DTHD1: variants seen among roughly 807,000 people sequenced by gnomAD.
The protein encoded by DTHD1 is death domain containing 1.
In DTHD1, 59 loss-of-function variants were observed where a neutral mutation model predicts 74.8. The ratio of observed to expected loss-of-function variants is 0.79; its 90% CI spans 0.64 to 0.98. DTHD1 has a LOEUF of 0.98. Ranked by LOEUF, DTHD1 falls within the 50% of genes least tolerant of loss-of-function variation. The pLI is 0.00. For synonymous variants in DTHD1, 365 were observed against 371.1 expected, an observed-to-expected ratio of 0.98 and a Z score of 0.19; for missense variants, 1,051 against 1,065.4, an observed-to-expected ratio of 0.99 and a Z score of 0.19.
intron 7 of DTHD1, among the ~76,000 whole-genome samples, chr4:36,312,928 T>A (rs1757487616): frequency 1.3e-5 from 2 of 152,162 alleles, no homozygotes; most frequent in Admixed American, 6.5e-5. Flanking sequence ...AGCAAGGAGA[T>A]CAGTTACTGT....
chr4:36,303,158 A>T (rs1756870105), intron 5 of DTHD1, among the ~76,000 whole-genome samples: 1 of 152,220 alleles, frequency 6.6e-6, no homozygotes, highest in Non-Finnish European at 1.5e-5. Flanking sequence ...TCACTATGTC[A>T]GCATGTTGCC....
chr4:36,307,558 A>G (rs1757132577), intron 6 of DTHD1, among the ~76,000 whole-genome samples: 1 of 152,212 alleles, frequency 6.6e-6, no homozygotes, highest in African/African-American at 2.4e-5. Flanking sequence ...ACTTCAACAT[A>G]TGAATGTGTA....
intron 9 of DTHD1, among the ~76,000 whole-genome samples, chr4:36,341,831 G>A (rs777804597): frequency 6.6e-6 from 1 of 152,214 alleles, no homozygotes; most frequent in Non-Finnish European, 1.5e-5. Flanking sequence ...CCCTGCAGAG[G>A]TGACCGAATG....
intron 8 of DTHD1, among the ~76,000 whole-genome samples, chr4:36,319,642 G>A (rs975834004): frequency 6.6e-6 from 1 of 152,224 alleles, no homozygotes; most frequent in African/African-American, 2.4e-5. Flanking sequence ...AAGAAAGGCC[G>A]TTATGTCAGA....
chr4:36,334,479 A>G (rs1023750384), intron 8 of DTHD1, among the ~76,000 whole-genome samples: 4 of 149,538 alleles, frequency 2.7e-5, no homozygotes, highest in Non-Finnish European at 4.4e-5. Flanking sequence ...TTGCCTTCAG[A>G]CTCCTGAGTA....
intron 9 of DTHD1, among the ~76,000 whole-genome samples, chr4:36,339,969 G>T (rs1759226462): frequency 6.6e-6 from 1 of 152,226 alleles, no homozygotes; most frequent in African/African-American, 2.4e-5. Context: ...AGCTTTGCAA[G>T]TTTAATAATG....
chr4:36,285,022 A>G (rs1435181684), intron 2 of DTHD1, among the ~76,000 whole-genome samples: 1 of 152,218 alleles, frequency 6.6e-6, no homozygotes, highest in South Asian at 2.1e-4. Flanking sequence ...AGACTATAGC[A>G]ACATGCATAG....
At chr4:36,325,734 G>A (rs1758304353) in intron 8 of DTHD1, among the ~76,000 whole-genome samples, 2 of 152,152 alleles carry the variant, frequency 1.3e-5, no homozygotes, top group South Asian at 4.1e-4. Context: ...ACACTGGTTT[G>A]AGCTACTGTC....
intron 5 of DTHD1, among the ~76,000 whole-genome samples, chr4:36,295,944 G>T (rs868405020): frequency 3.3e-5 from 5 of 152,118 alleles, no homozygotes; most frequent in Middle Eastern, 3.4e-3. Context: ...AGGTGAATTT[G>T]ATTTTTTGAT....
chr4:36,336,220 T>A (rs1759002096), intron 8 of DTHD1, among the ~76,000 whole-genome samples: 1 of 152,232 alleles, frequency 6.6e-6, no homozygotes, highest in African/African-American at 2.4e-5. Context: ...CAGTGACATG[T>A]TGCAAGTGGC....
At position 36,284,018 on chromosome 4, in the gene DTHD1, A is replaced by T; in HGVS notation, c.314A>T (p.His105Leu). Residue 105 changes from histidine (H) to leucine (L), a missense_variant, in exon 2 of 10, where the codon CAT becomes CTT. Physicochemically the swap from His to Leu is moderately conservative, Grantham distance 99. Transcript: ENST00000639862. Reference sequence around the variant, plus strand: ...GACTGCCTCATAAAAATAACTGAACATTTGGGGAGCACTGCTGCACTTCTA... The same window carrying T: ...GACTGCCTCATAAAAATAACTGAACTTTTGGGGAGCACTGCTGCACTTCTA... ...FIDCLIKITEHLGSTAALLKK... is the reference protein window; with the variant it reads ...FIDCLIKITELLGSTAALLKK... 1 of 1,537,072 alleles carries T rather than the reference A, an allele frequency of 6.5e-7. No homozygotes were observed. Among genetic ancestry groups the T allele is most frequent in the Non-Finnish European group, 8.7e-7 (1 of 1,146,848 alleles).
chr4:36,322,432 G>C (rs1758085010), intron 8 of DTHD1, among the ~76,000 whole-genome samples: 1 of 152,142 alleles, frequency 6.6e-6, no homozygotes, highest in Non-Finnish European at 1.5e-5. Context: ...GGTGTGAGTT[G>C]GTAGGTGGGA....
At chr4:36,300,929 G>C (rs531109084) in intron 5 of DTHD1, among the ~76,000 whole-genome samples, 2 of 152,154 alleles carry the variant, frequency 1.3e-5, no homozygotes, top group Non-Finnish European at 1.5e-5. Flanking sequence ...CATAAATACT[G>C]TTTTCCTTAA....
chr4:36,294,753 C>G (rs905747243), intron 4 of DTHD1, 42 bp from the exon 5 acceptor site: 1 of 1,470,814 alleles, frequency 6.8e-7, no homozygotes, highest in Non-Finnish European at 9.0e-7. Flanking sequence ...TAGTTTGCAT[C>G]TTTTCTATTA....
At chr4:36,287,433 G>A (rs757509129) in intron 2 of DTHD1, among the ~76,000 whole-genome samples, 62 of 152,224 alleles carry the variant, frequency 4.1e-4, no homozygotes, top group Non-Finnish European at 7.2e-4. Flanking sequence ...TGTGAATTGC[G>A]CTGCTATAAA....
chr4:36,282,352 G>A (rs1352283072), intron 1 of DTHD1, among the ~76,000 whole-genome samples: 1 of 152,334 alleles, frequency 6.6e-6, no homozygotes, highest in Middle Eastern at 3.4e-3. Context: ...GATTTATGCA[G>A]CAGGAAAGAG....
rs1237619186 is a variant in DTHD1 at position 36,345,171 on chromosome 4, A to G, written c.*1347A>G. 3.3e-5 allele frequency: 5 copies of G among 152,204 alleles called. No homozygotes were observed. Among genetic ancestry groups the G allele is most frequent in the Admixed American group, 3.3e-4 (5 of 15,278 alleles). The allele number at this position is 152,204 out of a possible 1,614,324, so 9.4% of individuals were successfully genotyped here. A position where few individuals can be genotyped will look rare whatever the true frequency, so the allele number is the denominator to read the frequency against. ...ACAGAAGCCTTATTACATAAGCCCTAGATATACATCATTAAAAATAAACAA... is the reference window on the plus strand; with the variant it reads ...ACAGAAGCCTTATTACATAAGCCCTGGATATACATCATTAAAAATAAACAA... On this transcript the variant is annotated 3_prime_UTR_variant, in exon 10 of 10. Coordinates refer to ENST00000639862, the MANE Select transcript of DTHD1 (RefSeq NM_001170700.3).
In DTHD1 at chr4:36,294,978, A is replaced by G. The variant is rs1215637414; in HGVS notation, c.1582A>G (p.Ile528Val). 3.2e-6 allele frequency: 5 copies of G among 1,551,268 alleles called. No homozygotes were observed. The highest frequency in any genetic ancestry group is 4.4e-6 in the Non-Finnish European group (5 of 1,146,532). ...YLDKNNLGSE[I>V]DHKRRASATI... ...TGATAAAAACAACCTTGGTTCTGAG[A>G]TAGATCATAAAAGAAGAGCAAGTGC... The change falls in exon 5 of 10, where the codon ATA becomes GTA. Residue 528 changes from isoleucine (I) to valine (V), a missense_variant. Ile to Val is a conservative substitution (Grantham distance 29, BLOSUM62 3). Coordinates refer to ENST00000639862, the MANE Select transcript of DTHD1 (RefSeq NM_001170700.3).
chr4:36,296,447 C>A, intron 5 of DTHD1, among the ~76,000 whole-genome samples: 2 of 151,202 alleles, frequency 1.3e-5, no homozygotes, highest in African/African-American at 2.4e-5. Flanking sequence ...CAAAAAAAAT[C>A]AAAAGTAAAA....
Sources: allele counts gnomAD v4.1 joint callset (sites outside exome capture counted in the v4.1 genomes callset), GRCh38; gene constraint gnomAD v4.1.1; transcripts MANE v1.5; gene names NCBI Gene and HGNC (gene_info 2026-07-23, HGNC 2026-07-21).